Variants in NFKB1 observed in about 807,000 individuals in gnomAD.
NFKB1 encodes the protein nuclear factor NF-kappa-B p105 subunit.
In NFKB1, 9 loss-of-function variants were observed where a neutral mutation model predicts 105.1. The observed-to-expected ratio is 0.09, with a 90% CI of 0.05 to 0.15. The LOEUF (loss-of-function observed/expected upper bound fraction) is 0.15, where lower values mean the gene tolerates loss of function less well. Ranked by LOEUF, NFKB1 falls within the 10% of genes least tolerant of loss-of-function variation. The pLI is 1.00. For synonymous variants in NFKB1, 440 were observed against 442.2 expected (o/e 1.00, Z 0.06); for missense variants, 830 against 1,203.7 (o/e 0.69, Z 4.59).
Position 102,567,118 on chromosome 4 carries a change from C to T in NFKB1, c.390C>T (p.Pro130=), listed in dbSNP as rs1362281419. 3.1e-6 allele frequency: 5 copies of T among 1,613,640 alleles called. No individual in the cohort carries two copies. Among genetic ancestry groups the T allele is most frequent in the Non-Finnish European group, 4.2e-6 (5 of 1,179,656 alleles). ...EDGICTVTAG[P]KDMVVGFANL... ...GGATCTGCACTGTAACTGCTGGACCCAAGGACATGGTGGTCGGGTAAGTAG... is the reference window on the plus strand; with the variant it reads ...GGATCTGCACTGTAACTGCTGGACCTAAGGACATGGTGGTCGGGTAAGTAG... Residue 130 remains proline, a synonymous_variant, in exon 6 of 24, where the codon CCC becomes CCT. Transcript: ENST00000226574.
At chr4:102,612,671 A>C (rs1307184473) in intron 22 of NFKB1, 65 bp downstream of exon 22, 8 of 1,438,576 alleles carry the variant, frequency 5.6e-6, no homozygotes, top group Non-Finnish European at 6.7e-6. Context: ...ATCTCTGGCC[A>C]GGGCATAATC....
chr4:102,558,472 C>CCA (rs1208620257), intron 5 of NFKB1, among the ~76,000 whole-genome samples: 1 of 152,072 alleles, frequency 6.6e-6, no homozygotes, highest in African/African-American at 2.4e-5. Flanking sequence ...CACTCCTCAC[C>CCA]CACTACCTGC....
chr4:102,587,324 G>A (rs921537727), intron 11 of NFKB1, among the ~76,000 whole-genome samples: 1 of 151,982 alleles, frequency 6.6e-6, no homozygotes, highest in Non-Finnish European at 1.5e-5. Flanking sequence ...GACTTTCTGA[G>A]GAAAAAAATA....
chr4:102,525,204 A>C (rs1005186602), intron 1 of NFKB1, among the ~76,000 whole-genome samples: 9 of 152,124 alleles, frequency 5.9e-5, no homozygotes, highest in African/African-American at 1.9e-4. Context: ...TAAGAATCCC[A>C]GTATGTATGA....
chr4:102,503,644 A>G (rs1162202306), intron 1 of NFKB1, among the ~76,000 whole-genome samples: 5 of 152,168 alleles, frequency 3.3e-5, no homozygotes, highest in Non-Finnish European at 7.4e-5. Flanking sequence ...GTATACATAC[A>G]AAAATAGTCC....
chr4:102,540,439 T>C (rs1250352758), intron 5 of NFKB1, among the ~76,000 whole-genome samples: 1 of 152,226 alleles, frequency 6.6e-6, no homozygotes, highest in East Asian at 1.9e-4. Context: ...AATGAAAGTT[T>C]CTATATCAAG....
intron 11 of NFKB1, 101 bp from the exon 12 acceptor site, chr4:102,593,324 T>C: frequency 1.8e-6 from 2 of 1,098,166 alleles, no homozygotes; most frequent in Non-Finnish European, 2.6e-6. Flanking sequence ...TATTTCCCTT[T>C]AAGATGTTTA....
intron 23 of NFKB1, among the ~76,000 whole-genome samples, chr4:102,615,491 G>A (rs192672186): frequency 1.3e-5 from 2 of 152,266 alleles, no homozygotes; most frequent in East Asian, 1.9e-4. Flanking sequence ...GTCATTGTCC[G>A]CACTTGAGAA....
At chr4:102,576,037 A>G (rs1724793827) in intron 6 of NFKB1, among the ~76,000 whole-genome samples, 1 of 152,112 alleles carries the variant, frequency 6.6e-6, no homozygotes, top group South Asian at 2.1e-4. Flanking sequence ...TGTTTCATGT[A>G]CTTTAATTTC....
intron 5 of NFKB1, among the ~76,000 whole-genome samples, chr4:102,563,360 A>G (rs1723593144): frequency 6.6e-6 from 1 of 152,132 alleles, no homozygotes; most frequent in Non-Finnish European, 1.5e-5. Context: ...CCAATAAAAT[A>G]TGGCATGCAA....
At chr4:102,591,955 A>G (rs1251488575) in intron 11 of NFKB1, among the ~76,000 whole-genome samples, 1 of 152,256 alleles carries the variant, frequency 6.6e-6, no homozygotes, top group Non-Finnish European at 1.5e-5. Context: ...AAATATCTAC[A>G]TTAATAAGAA....
chr4:102,594,225 AT>A (rs1351514209), intron 12 of NFKB1, among the ~76,000 whole-genome samples: 1 of 152,224 alleles, frequency 6.6e-6, no homozygotes, highest in Non-Finnish European at 1.5e-5. Context: ...TTTAAGCATC[AT>A]TTTAATGACT....
rs200653734 is a variant in NFKB1 at position 102,616,487 on chromosome 4, C to A, written c.2803C>A (p.Arg935Ser). The A allele has an allele frequency of 1.2e-6, 2 of 1,614,128 alleles. No homozygotes were observed. Among genetic ancestry groups the A allele is most frequent in the Admixed American group, 1.7e-5 (1 of 60,012 alleles). Reference protein sequence around the residue: ...VCDSGVETSFRKLSFTESLTS... With the variant: ...VCDSGVETSFSKLSFTESLTS... ...CGACAGCGGCGTGGAGACATCCTTCCGCAAACTCAGCTTTACCGAGTCTCT... is the reference window on the plus strand; with the variant it reads ...CGACAGCGGCGTGGAGACATCCTTCAGCAAACTCAGCTTTACCGAGTCTCT... Residue 935 changes from arginine (R) to serine (S), a missense_variant, in exon 24 of 24, where the codon CGC becomes AGC. By Grantham distance (110) the Arg-to-Ser change is moderately radical (BLOSUM62 -1). Coordinates refer to ENST00000226574, the MANE Select transcript of NFKB1 (RefSeq NM_003998.4).
At chr4:102,535,894 TTTG>T (rs1238493104) in intron 4 of NFKB1, among the ~76,000 whole-genome samples, 1 of 144,048 alleles carries the variant, frequency 6.9e-6, no homozygotes, top group Non-Finnish European at 1.5e-5. Flanking sequence ...TGGGGTTTTT[TTTG>T]TTTTTTTTTT....
chr4:102,516,080 C>G (rs1260970222), intron 1 of NFKB1, among the ~76,000 whole-genome samples: 7 of 151,964 alleles, frequency 4.6e-5, no homozygotes, highest in Admixed American at 4.6e-4. Flanking sequence ...CTAGCTTGTA[C>G]TGTATCTAAT....
At chr4:102,508,999 C>T (rs569326261) in intron 1 of NFKB1, among the ~76,000 whole-genome samples, 4 of 152,190 alleles carry the variant, frequency 2.6e-5, no homozygotes, top group African/African-American at 4.8e-5. Flanking sequence ...TAGAACCTTT[C>T]GGCAGACATT....
chr4:102,583,013 T>C, intron 10 of NFKB1, 56 bp downstream of exon 10: 1 of 1,235,150 alleles, frequency 8.1e-7, no homozygotes, highest in Non-Finnish European at 1.2e-6. Context: ...GGGATCTCAC[T>C]CTGACACCCA....
chr4:102,591,509 G>GA, intron 11 of NFKB1, among the ~76,000 whole-genome samples: 1 of 151,476 alleles, frequency 6.6e-6, no homozygotes, highest in African/African-American at 2.4e-5. Context: ...TTATCATTCT[G>GA]AAAATCCTAG....
At chr4:102,501,976 CACATCCGG>C (rs1347331921) in intron 1 of NFKB1, 188 bp downstream of exon 1, 2 of 152,344 alleles carry the variant, frequency 1.3e-5, no homozygotes, top group Non-Finnish European at 2.9e-5. Flanking sequence ...CGGGGAAAGA[CACATCCGG>C]ACCTCGCAGG....
Sources: gnomAD v4.1 joint callset for allele counts (sites outside exome capture counted in the v4.1 genomes callset) on GRCh38, gnomAD v4.1.1 for gene constraint, MANE v1.5 for transcripts, NCBI Gene and HGNC (gene_info 2026-07-23, HGNC 2026-07-21) for gene names.